The following RCOR1 variants were observed in gnomAD, a reference collection of about 807,000 sequenced individuals.
The protein encoded by RCOR1 is REST corepressor 1, also known as REST corepressor.
Under a neutral mutation model 64.0 loss-of-function variants are expected in RCOR1, and 12 were observed. The ratio of observed to expected loss-of-function variants is 0.19; its 90% CI spans 0.12 to 0.30. The LOEUF (loss-of-function observed/expected upper bound fraction) is 0.30, where lower values mean the gene tolerates loss of function less well. Ranked by LOEUF, RCOR1 falls within the 10% of genes least tolerant of loss-of-function variation. The probability of loss-of-function intolerance (pLI) is 1.00; values close to 1 mark genes in which losing one functional copy is unlikely to be tolerated. For synonymous variants in RCOR1, 279 were observed against 227.2 expected, an observed-to-expected ratio of 1.23 and a Z score of -2.05; for missense variants, 502 against 621.2, an observed-to-expected ratio of 0.81 and a Z score of 2.04.
chr14:102,701,176 C>T, intron 3 of RCOR1, 102 bp from the exon 4 acceptor site: 13 of 975,246 alleles, frequency 1.3e-5, no homozygotes, highest in Non-Finnish European at 2.0e-5. Context: ...ACAGCCAAAC[C>T]ATATCAGCAG....
At chr14:102,665,786 T>C (rs900636237) in intron 2 of RCOR1, among the ~76,000 whole-genome samples, 3 of 152,218 alleles carry the variant, frequency 2.0e-5, no homozygotes, top group Non-Finnish European at 2.9e-5. Flanking sequence ...ACAGTTCTTA[T>C]CTCATAGGGC....
At chr14:102,691,462 A>G (rs978138759) in intron 3 of RCOR1, among the ~76,000 whole-genome samples, 3 of 152,130 alleles carry the variant, frequency 2.0e-5, no homozygotes, top group Non-Finnish European at 2.9e-5. Flanking sequence ...AAGTTGAGGG[A>G]AAAAAACAAA....
chr14:102,653,963 CTTTCTTTCTTTCTTTCTTTCTT>C (rs1894656560), intron 2 of RCOR1, among the ~76,000 whole-genome samples: 4 of 43,696 alleles, frequency 9.2e-5, no homozygotes, highest in South Asian at 5.4e-4. Flanking sequence ...TTCTTTCTTT[CTTTCTTTCTTTCTTTCTTTCTT>C]TTTTTTTTTT....
At chr14:102,620,823 C>T (rs1376619970) in intron 2 of RCOR1, among the ~76,000 whole-genome samples, 2 of 152,124 alleles carry the variant, frequency 1.3e-5, no homozygotes, top group Non-Finnish European at 2.9e-5. Flanking sequence ...GTGGTCCCCT[C>T]CTTTTTTGCT....
chr14:102,676,633 C>T lies in RCOR1; in HGVS notation c.362-5262C>T, dbSNP rs1358500484. Among the ~76,000 whole-genome samples the T allele has an allele frequency of 5.0e-3, 497 of 99,428 alleles. 5 individuals carry two copies. Among genetic ancestry groups the T allele is most frequent in the Admixed American group, 7.6e-3 (84 of 11,076 alleles). 65.2% of individuals were successfully genotyped at this position (99,428 alleles called of 152,430 possible). On this transcript the variant is annotated intron_variant, in intron 2 of 11. Coordinates refer to ENST00000262241, the MANE Select transcript of RCOR1 (RefSeq NM_015156.4). ...ACGGGGCGGCTGGCCAGGTGGGGGG[C>T]TGATCCCCCCACCTCCCTCCCGGAC...
chr14:102,622,349 G>T (rs1893892294), intron 2 of RCOR1, among the ~76,000 whole-genome samples: 1 of 152,048 alleles, frequency 6.6e-6, no homozygotes, highest in Admixed American at 6.6e-5. Context: ...TAAAACTTTG[G>T]CTGTTCCTGG....
intron 2 of RCOR1, chr14:102,643,366 T>C (rs571584000): frequency 6.3e-6 from 6 of 952,502 alleles, no homozygotes; most frequent in East Asian, 1.2e-4. Context: ...GGTAAAAACA[T>C]TGAGATTTGG....
At chr14:102,678,366 C>A (rs1299533416) in intron 2 of RCOR1, among the ~76,000 whole-genome samples, 2 of 152,234 alleles carry the variant, frequency 1.3e-5, no homozygotes, top group African/African-American at 2.4e-5. Context: ...GTGGCGCGAT[C>A]TTGGCTCACT....
chr14:102,604,719 CTGATTTA>C (rs1371363929), intron 2 of RCOR1, among the ~76,000 whole-genome samples: 1 of 152,094 alleles, frequency 6.6e-6, no homozygotes, highest in Non-Finnish European at 1.5e-5. Flanking sequence ...TATAAGAATT[CTGATTTA>C]TAAGTATAAT....
chr14:102,664,942 T>C (rs1894888292), intron 2 of RCOR1, among the ~76,000 whole-genome samples: 1 of 152,200 alleles, frequency 6.6e-6, no homozygotes, highest in South Asian at 2.1e-4. Flanking sequence ...AACTGTATTT[T>C]GAATTTTGAT....
At chr14:102,638,027 G>A (rs1025254567) in intron 2 of RCOR1, among the ~76,000 whole-genome samples, 29 of 151,766 alleles carry the variant, frequency 1.9e-4, no homozygotes, top group Admixed American at 5.2e-4. Flanking sequence ...CTTCAAAAAC[G>A]AACAAAAAAA....
chr14:102,695,359 C>T (rs1489301469), intron 3 of RCOR1: 1 of 148,760 alleles, frequency 6.7e-6, no homozygotes, highest in Non-Finnish European at 1.5e-5. Context: ...CTGCCTCTAT[C>T]TTCTCTCCTC....
Position 102,592,859 on chromosome 14 carries a change from C to G in RCOR1, c.-28C>G, listed in dbSNP as rs1165796805. On this transcript the variant is annotated 5_prime_UTR_variant, in exon 1 of 12. Transcript: ENST00000262241. ...CTCCTCAGGAGCCGCGGGTCCCCGCCACTTTCGCACGGCCCCGGCCCCCGC... is the reference window on the plus strand; with the variant it reads ...CTCCTCAGGAGCCGCGGGTCCCCGCGACTTTCGCACGGCCCCGGCCCCCGC... 8.5e-7 allele frequency: 1 copy of G among 1,183,232 alleles called. No homozygotes were observed. Among genetic ancestry groups the G allele is most frequent in the Non-Finnish European group, 1.0e-6 (1 of 958,992 alleles). The allele number at this position is 1,183,232 out of a possible 1,614,324, so 73.3% of individuals were successfully genotyped here. A position where few individuals can be genotyped will look rare whatever the true frequency, so the allele number is the denominator to read the frequency against.
chr14:102,641,629 C>T (rs907696727), intron 2 of RCOR1, among the ~76,000 whole-genome samples: 2 of 151,914 alleles, frequency 1.3e-5, no homozygotes, highest in African/African-American at 4.8e-5. Flanking sequence ...ATATTTATGC[C>T]GTTTTTTTGT....
chr14:102,683,746 G>T (rs1895353250), intron 3 of RCOR1, among the ~76,000 whole-genome samples: 1 of 152,240 alleles, frequency 6.6e-6, no homozygotes, highest in African/African-American at 2.4e-5. Flanking sequence ...GATGTCCCTT[G>T]ATCTCCGCCC....
chr14:102,651,273 G>A (rs182827835), intron 2 of RCOR1: 3 of 160,282 alleles, frequency 1.9e-5, no homozygotes, highest in Non-Finnish European at 4.0e-5. Context: ...TTTGAAAATA[G>A]GCCAGGCGTG....
intron 2 of RCOR1, among the ~76,000 whole-genome samples, chr14:102,647,858 T>C (rs963494701): frequency 6.6e-6 from 1 of 151,872 alleles, no homozygotes; most frequent in Admixed American, 6.6e-5. Context: ...TTTGTATTTT[T>C]AGTAGAGACG....
intron 5 of RCOR1, among the ~76,000 whole-genome samples, chr14:102,707,933 G>T (rs1895887398): frequency 6.7e-6 from 1 of 149,298 alleles, no homozygotes; most frequent in Non-Finnish European, 1.5e-5. Context: ...GGGACTACAG[G>T]TGCGTGCCAC....
intron 4 of RCOR1, among the ~76,000 whole-genome samples, chr14:102,701,646 C>T (rs1375846118): frequency 6.6e-6 from 1 of 152,190 alleles, no homozygotes; most frequent in Non-Finnish European, 1.5e-5. Flanking sequence ...GTTTGTCATT[C>T]TTCTGGTTGT....
Sources: gnomAD v4.1 joint callset for allele counts (sites outside exome capture counted in the v4.1 genomes callset) on GRCh38, gnomAD v4.1.1 for gene constraint, MANE v1.5 for transcripts, NCBI Gene and HGNC (gene_info 2026-07-23, HGNC 2026-07-21) for gene names.